The following DPYSL3 variants were observed in gnomAD, a reference collection of about 807,000 sequenced individuals.
The protein encoded by DPYSL3 is dihydropyrimidinase-related protein 3.
In DPYSL3, 16 loss-of-function variants were observed where a neutral mutation model predicts 66.1. The ratio of observed to expected loss-of-function variants is 0.24; its 90% CI spans 0.16 to 0.37. The LOEUF (loss-of-function observed/expected upper bound fraction) is 0.37, where lower values mean the gene tolerates loss of function less well. DPYSL3 is among the 10% of genes least tolerant of loss of function. DPYSL3 has a pLI of 1.00. For missense variants in DPYSL3, 738 were observed against 916.2 expected (o/e 0.81, Z 2.51); for synonymous variants, 338 against 345.1 (o/e 0.98, Z 0.23).
chr5:147,500,539 G>A (rs943608269), intron 1 of DPYSL3, among the ~76,000 whole-genome samples: 11 of 151,618 alleles, frequency 7.3e-5, no homozygotes, highest in Admixed American at 6.6e-4. Context: ...ACTTGAACCT[G>A]GGAGATAGAG....
intron 1 of DPYSL3, among the ~76,000 whole-genome samples, chr5:147,474,843 A>T (rs940543849): frequency 6.6e-6 from 1 of 152,116 alleles, no homozygotes; most frequent in African/African-American, 2.4e-5. Flanking sequence ...TTTTTAAGGT[A>T]TATTTAGAGC....
At chr5:147,452,013 A>G (rs1752738090) in intron 1 of DPYSL3, among the ~76,000 whole-genome samples, 1 of 152,166 alleles carries the variant, frequency 6.6e-6, no homozygotes, top group Admixed American at 6.5e-5. Context: ...AGCCTCTACC[A>G]GGCAAAAGGA....
rs1321385615 is a variant in DPYSL3, at chr5:147,418,532, G to A, written c.570C>T (p.Phe190=). The A allele has an allele frequency of 1.2e-6, 2 of 1,613,700 alleles. No individual in the cohort carries two copies. Among genetic ancestry groups the A allele is most frequent in the Non-Finnish European group, 1.7e-6 (2 of 1,179,826 alleles). ...IPGGIDVHTH[F]QMPYKGMTTV... is the part of the protein sequence containing the mutation. ...TGGTCATTCCCTTATATGGCATCTGGAAGTGAGTATGGACATCGATGCCTC... is the reference window on the plus strand; with the variant it reads ...TGGTCATTCCCTTATATGGCATCTGAAAGTGAGTATGGACATCGATGCCTC... Residue 190 remains phenylalanine, a synonymous_variant, in exon 3 of 14, where the codon TTC becomes TTT. Coordinates refer to ENST00000343218, the MANE Select transcript of DPYSL3 (RefSeq NM_001197294.2).
intron 1 of DPYSL3, among the ~76,000 whole-genome samples, chr5:147,446,883 A>G (rs901601219): frequency 1.1e-4 from 16 of 152,224 alleles, no homozygotes; most frequent in African/African-American, 3.9e-4. Context: ...ACTGACCCAC[A>G]TTTAGGAGCT....
intron 1 of DPYSL3, among the ~76,000 whole-genome samples, chr5:147,468,689 G>A (rs547945062): frequency 2.6e-5 from 4 of 151,796 alleles, no homozygotes; most frequent in Non-Finnish European, 5.9e-5. Context: ...AAGTTGATTT[G>A]ACTCATTAAC....
chr5:147,408,902 T>A (rs912062862), intron 6 of DPYSL3, 106 bp from the exon 7 acceptor site: 6 of 1,095,556 alleles, frequency 5.5e-6, no homozygotes, highest in Non-Finnish European at 8.2e-6. Flanking sequence ...TATGCGTATG[T>A]TGAACAGATG....
chr5:147,472,951 A>G (rs1484025926), intron 1 of DPYSL3: 2 of 152,176 alleles, frequency 1.3e-5, no homozygotes, highest in Admixed American at 1.3e-4. Context: ...AGCTTGTACC[A>G]TGCCATTTTT....
intron 1 of DPYSL3, among the ~76,000 whole-genome samples, chr5:147,459,091 G>A (rs539149242): frequency 2.2e-4 from 34 of 151,866 alleles, no homozygotes; most frequent in African/African-American, 8.0e-4. Flanking sequence ...GCATCAATGG[G>A]AAAAGGGGGA....
chr5:147,396,865 G>GTATA (rs10561140), intron 12 of DPYSL3, among the ~76,000 whole-genome samples: 75 of 144,636 alleles, frequency 5.2e-4, no homozygotes, highest in Middle Eastern at 3.6e-3. Context: ...GTATATGTGT[G>GTATA]TATATATATA....
At chr5:147,491,614 C>T (rs1016847673) in intron 1 of DPYSL3, among the ~76,000 whole-genome samples, 3 of 151,642 alleles carry the variant, frequency 2.0e-5, no homozygotes, top group Non-Finnish European at 4.4e-5. Context: ...AAAAGAAATG[C>T]TAGAGATAAA....
In DPYSL3 at chr5:147,430,520, A is replaced by G. The variant is rs528397367; in HGVS notation, c.382-5557T>C. On this transcript the variant is annotated intron_variant, in intron 1 of 13. Coordinates refer to ENST00000343218, the MANE Select transcript of DPYSL3 (RefSeq NM_001197294.2). ...GTGAGACTCGGTCTCAAAAAAAAAAAAAAAGAAAAAAAAGGAAAAAGAAAA... is the reference window on the plus strand; with the variant it reads ...GTGAGACTCGGTCTCAAAAAAAAAAGAAAAGAAAAAAAAGGAAAAAGAAAA... Among the ~76,000 whole-genome samples the G allele has an allele frequency of 2.8e-3, 430 of 151,750 alleles. 3 individuals carry two copies. Among genetic ancestry groups the G allele is most frequent in the African/African-American group, 1.0e-2 (414 of 41,436 alleles).
intron 1 of DPYSL3, among the ~76,000 whole-genome samples, chr5:147,496,384 A>C (rs1753508332): frequency 2.0e-5 from 3 of 152,274 alleles, no homozygotes; most frequent in South Asian, 2.1e-4. Context: ...GCAACAAAAG[A>C]CAAAATAGAC....
intron 6 of DPYSL3, 104 bp downstream of exon 6, chr5:147,412,504 T>C: frequency 8.7e-7 from 1 of 1,145,296 alleles, no homozygotes. Context: ...AAGGTACTTA[T>C]GATGGTGCCT....
chr5:147,452,526 A>T (rs935832509), intron 1 of DPYSL3, among the ~76,000 whole-genome samples: 2 of 151,802 alleles, frequency 1.3e-5, no homozygotes, highest in Admixed American at 1.3e-4. Flanking sequence ...AAACTAAAAA[A>T]CGTTAGTTTT....
At chr5:147,435,149 CT>C (rs1260435110) in intron 1 of DPYSL3, among the ~76,000 whole-genome samples, 1 of 152,046 alleles carries the variant, frequency 6.6e-6, no homozygotes, top group Admixed American at 6.6e-5. Context: ...GCAGAAAAAT[CT>C]TTTGTCTGGC....
chr5:147,399,334 C>A, intron 10 of DPYSL3, 82 bp from the exon 11 acceptor site: 1 of 1,447,464 alleles, frequency 6.9e-7, no homozygotes, highest in Non-Finnish European at 9.2e-7. Flanking sequence ...AGAAAGACAA[C>A]CCACAAAGGC....
At chr5:147,453,753 G>A (rs1240011574) in intron 1 of DPYSL3, 19 of 1,312,542 alleles carry the variant, frequency 1.4e-5, no homozygotes, top group Non-Finnish European at 1.8e-5. Flanking sequence ...CTCCCGCGGC[G>A]GCTGCCAGAG....
chr5:147,447,171 T>C (rs1038673431), intron 1 of DPYSL3, among the ~76,000 whole-genome samples: 3 of 152,190 alleles, frequency 2.0e-5, no homozygotes, highest in African/African-American at 7.2e-5. Context: ...TTAACAATAA[T>C]AGCTCCACCA....
At position 147,391,637 on chromosome 5, in the gene DPYSL3, G is replaced by A. The variant is rs1757807459; in HGVS notation, c.*2398C>T. 6.6e-6 allele frequency: 1 copy of A among 152,182 alleles called. No homozygotes were observed. The highest frequency in any genetic ancestry group is 2.1e-4 in the South Asian group (1 of 4,822). 9.4% of individuals were successfully genotyped at this position (152,182 alleles called of 1,614,324 possible). A position where few individuals can be genotyped will look rare whatever the true frequency, so the allele number is the denominator to read the frequency against. On this transcript the variant is annotated 3_prime_UTR_variant, in exon 14 of 14. Transcript: ENST00000343218. ...ATTGTTTTCTTTTCCTAAACCTTTT[G>A]TATAGGCCTGTTTGATGTGTCTTAT...
Sources: gnomAD v4.1 joint callset for allele counts (sites outside exome capture counted in the v4.1 genomes callset) on GRCh38, gnomAD v4.1.1 for gene constraint, MANE v1.5 for transcripts, NCBI Gene and HGNC (gene_info 2026-07-23, HGNC 2026-07-21) for gene names.